The following LMBR1 variants were observed in gnomAD, a reference collection of about 807,000 sequenced individuals.
The protein encoded by LMBR1 is limb region 1 protein homolog.
LMBR1 carries 52 observed loss-of-function variants against 73.9 expected under a neutral mutation model. The observed-to-expected ratio is 0.70, with a 90% CI of 0.56 to 0.89. The LOEUF (loss-of-function observed/expected upper bound fraction) is 0.89, where lower values mean the gene tolerates loss of function less well. LMBR1 is among the 40% of genes least tolerant of loss of function. LMBR1 has a pLI of 0.00. For missense variants in LMBR1, 539 were observed against 579.8 expected, an observed-to-expected ratio of 0.93 and a Z score of 0.72; for synonymous variants, 215 against 209.4, an observed-to-expected ratio of 1.03 and a Z score of -0.23.
At chr7:156,879,044 T>G (rs538592863) in intron 1 of LMBR1, among the ~76,000 whole-genome samples, 2 of 151,952 alleles carry the variant, frequency 1.3e-5, no homozygotes, top group East Asian at 3.9e-4. Flanking sequence ...AAAAATCAAC[T>G]CAAGATGGAT....
At chr7:156,722,643 A>T (rs1283511353) in intron 15 of LMBR1, among the ~76,000 whole-genome samples, 1 of 151,946 alleles carries the variant, frequency 6.6e-6, no homozygotes, top group African/African-American at 2.4e-5. Context: ...ACCCTAATGC[A>T]CTCCATTAAT....
intron 5 of LMBR1, among the ~76,000 whole-genome samples, chr7:156,791,011 T>C (rs1047940835): frequency 2.0e-5 from 3 of 152,174 alleles, no homozygotes; most frequent in African/African-American, 7.2e-5. Flanking sequence ...AGGTAAAAAC[T>C]AGTGCTCTCA....
chr7:156,841,654 A>C (rs1378881082), intron 1 of LMBR1, among the ~76,000 whole-genome samples: 1 of 152,158 alleles, frequency 6.6e-6, no homozygotes, highest in Non-Finnish European at 1.5e-5. Context: ...TGACAGGCCA[A>C]GAAAGATGAG....
At chr7:156,765,007 A>G (rs1303710258) in intron 5 of LMBR1, among the ~76,000 whole-genome samples, 1 of 152,234 alleles carries the variant, frequency 6.6e-6, no homozygotes, top group East Asian at 1.9e-4. Context: ...ATAGCATGGG[A>G]GGCCAGTGAA....
chr7:156,775,660 G>A (rs958804976), intron 5 of LMBR1, among the ~76,000 whole-genome samples: 4 of 152,054 alleles, frequency 2.6e-5, no homozygotes, highest in Non-Finnish European at 4.4e-5. Flanking sequence ...TACAATTATA[G>A]GGAATAATTC....
intron 16 of LMBR1, among the ~76,000 whole-genome samples, chr7:156,684,542 T>C (rs1219118676): frequency 3.3e-5 from 5 of 152,186 alleles, no homozygotes; most frequent in Non-Finnish European, 7.3e-5. Flanking sequence ...GCACAGCCCC[T>C]TCCTCTTCCG....
downstream of LMBR1, chr7:156,676,573 A>T: frequency 6.2e-7 from 1 of 1,614,214 alleles, no homozygotes; most frequent in Non-Finnish European, 8.5e-7. Context: ...GCACTAGAGG[A>T]GTTCTCCGTG....
intron 1 of LMBR1, among the ~76,000 whole-genome samples, chr7:156,885,883 T>C (rs1249376933): frequency 6.6e-6 from 1 of 150,456 alleles, no homozygotes; most frequent in Non-Finnish European, 1.5e-5. Context: ...CATAAATAAA[T>C]AAATAAAATT....
intron 1 of LMBR1, among the ~76,000 whole-genome samples, chr7:156,863,875 C>A (rs1026271005): frequency 6.6e-6 from 1 of 152,066 alleles, no homozygotes; most frequent in South Asian, 2.1e-4. Flanking sequence ...GAAGACCAGG[C>A]GTGGTAGCTC....
chr7:156,751,467 C>T (rs1820860686), intron 9 of LMBR1, among the ~76,000 whole-genome samples: 1 of 152,200 alleles, frequency 6.6e-6, no homozygotes, highest in Non-Finnish European at 1.5e-5. Context: ...AGGACTCTTG[C>T]TGTTATCCAG....
At chr7:156,742,428 C>T (rs1819065779) in intron 9 of LMBR1, among the ~76,000 whole-genome samples, 1 of 151,858 alleles carries the variant, frequency 6.6e-6, no homozygotes, top group African/African-American at 2.4e-5. Flanking sequence ...AAAAAGAAGA[C>T]ATTACAACTG....
At chr7:156,757,676 A>C (rs187354023) in intron 8 of LMBR1, among the ~76,000 whole-genome samples, 32 of 152,352 alleles carry the variant, frequency 2.1e-4, no homozygotes, top group Admixed American at 3.3e-4. Context: ...AATTGTGAGG[A>C]GCTAATGGAC....
chr7:156,756,902 T>G (rs889602051), intron 8 of LMBR1, among the ~76,000 whole-genome samples: 4 of 152,242 alleles, frequency 2.6e-5, no homozygotes, highest in South Asian at 2.1e-4. Flanking sequence ...CTGCAACCTC[T>G]GCCTCCCGGG....
intron 15 of LMBR1, among the ~76,000 whole-genome samples, chr7:156,689,108 T>A (rs1315054382): frequency 1.3e-5 from 2 of 152,196 alleles, no homozygotes; most frequent in African/African-American, 4.8e-5. Context: ...AGTCATTCTA[T>A]TAAATGAGCA....
intron 9 of LMBR1, among the ~76,000 whole-genome samples, chr7:156,743,016 T>C (rs56925249): frequency 0.032 from 4,871 of 152,290 alleles, 123 homozygotes; most frequent in South Asian, 0.084. Context: ...TTTCATTTGA[T>C]ACTGAAAAGC....
chr7:156,868,150 A>G (rs990602646), intron 1 of LMBR1, among the ~76,000 whole-genome samples: 1 of 152,146 alleles, frequency 6.6e-6, no homozygotes, highest in Admixed American at 6.5e-5. Flanking sequence ...TGTCAGCTAA[A>G]GAATCATGAG....
At chr7:156,874,222 C>A (rs1023912863) in intron 1 of LMBR1, among the ~76,000 whole-genome samples, 2 of 152,250 alleles carry the variant, frequency 1.3e-5, no homozygotes, top group African/African-American at 4.8e-5. Context: ...AGACCCAGCA[C>A]ACCCTCCGCA....
intron 5 of LMBR1, among the ~76,000 whole-genome samples, chr7:156,784,875 C>T (rs186113373): frequency 4.6e-5 from 7 of 152,164 alleles, no homozygotes; most frequent in African/African-American, 1.7e-4. Flanking sequence ...ATCTACCACA[C>T]AATGCCCAGG....
At chr7:156,839,412 C>A (rs1838247018) in intron 1 of LMBR1, among the ~76,000 whole-genome samples, 1 of 151,992 alleles carries the variant, frequency 6.6e-6, no homozygotes, top group Admixed American at 6.6e-5. Context: ...CTGGGGAATG[C>A]CAGACCGACA....
Sources: allele counts gnomAD v4.1 joint callset (sites outside exome capture counted in the v4.1 genomes callset), GRCh38; gene constraint gnomAD v4.1.1; transcripts MANE v1.5; gene names NCBI Gene and HGNC (gene_info 2026-07-23, HGNC 2026-07-21).